Variants in CRYL1 observed in about 807,000 individuals in gnomAD.
CRYL1 encodes crystallin lambda 1, also known as lambda-crystallin homolog.
CRYL1 carries 29 observed loss-of-function variants against 36.6 expected under a neutral mutation model. That is an observed-to-expected ratio of 0.79 (90% CI 0.59 to 1.08). The LOEUF (loss-of-function observed/expected upper bound fraction) is 1.08. Ranked by LOEUF, CRYL1 falls within the 50% of genes least tolerant of loss-of-function variation. The pLI, the probability that CRYL1 is intolerant of heterozygous loss-of-function variation, is 0.00. For missense variants in CRYL1, 411 were observed against 407.9 expected (o/e 1.01, Z -0.06); for synonymous variants, 152 against 151.5 (o/e 1.00, Z -0.02).
At chr13:20,404,513 C>T (rs576388109) in intron 7 of CRYL1, 122 bp downstream of exon 7, 13 of 704,064 alleles carry the variant, frequency 1.8e-5, no homozygotes, top group Non-Finnish European at 3.3e-5. Flanking sequence ...GAGGAACCAC[C>T]AAGATCAAGG....
At chr13:20,470,692 T>C (rs1175018311) in intron 3 of CRYL1, among the ~76,000 whole-genome samples, 1 of 151,450 alleles carries the variant, frequency 6.6e-6, no homozygotes, top group Admixed American at 6.6e-5. Flanking sequence ...GTGGATCACC[T>C]GAGGTCAGGA....
rs1422060480 is a variant in CRYL1, at chr13:20,525,611, C to T, written c.41+143G>A. 4.7e-6 allele frequency: 3 copies of T among 644,940 alleles called. No homozygotes were observed. The highest frequency in any genetic ancestry group is 3.8e-5 in the African/African-American group (2 of 52,156). 40.0% of individuals were successfully genotyped at this position (644,940 alleles called of 1,614,324 possible). ...CCGAGCCCGCCAGCGCCGTAGGGGC[C>T]GCAGGGCGCAGGGCTTCGGAGGACC... On this transcript the variant is annotated intron_variant, in intron 1 of 7. Transcript: ENST00000298248. This position sits in a 1 kb window ranked among gnomAD's most constrained non-coding sequence, Gnocchi z 4.3.
intron 3 of CRYL1, among the ~76,000 whole-genome samples, chr13:20,460,659 G>A (rs1376520386): frequency 3.3e-5 from 5 of 151,266 alleles, no homozygotes; most frequent in African/African-American, 7.3e-5. Flanking sequence ...CCAAGTAGCC[G>A]GGACTACAGG....
intron 3 of CRYL1, among the ~76,000 whole-genome samples, chr13:20,486,554 C>T (rs192034112): frequency 1.6e-3 from 232 of 145,466 alleles, no homozygotes; most frequent in African/African-American, 5.5e-3. Context: ...CAGAACTATT[C>T]CTACCCACTC....
At chr13:20,405,816 A>G (rs2031355200) in intron 6 of CRYL1, 1 of 152,408 alleles carries the variant, frequency 6.6e-6, no homozygotes, top group Non-Finnish European at 1.5e-5. Context: ...CTGTGCGAGA[A>G]TGGGGTGCGC....
intron 5 of CRYL1, among the ~76,000 whole-genome samples, chr13:20,420,700 G>GT (rs5802072): frequency 0.045 from 1,640 of 36,446 alleles, 524 homozygotes; most frequent in Non-Finnish European, 0.075. Context: ...TAAAATAGAG[G>GT]TTGTGTGTGT....
At chr13:20,431,513 CCT>C in intron 5 of CRYL1, 5 of 998,378 alleles carry the variant, frequency 5.0e-6, no homozygotes, top group Non-Finnish European at 6.0e-6. Context: ...CACCACGGCC[CCT>C]CATGCAAATG....
chr13:20,414,506 A>G (rs1254343889), intron 5 of CRYL1, among the ~76,000 whole-genome samples: 1 of 152,152 alleles, frequency 6.6e-6, no homozygotes, highest in Non-Finnish European at 1.5e-5. Flanking sequence ...GGGGAGTAAG[A>G]TTAGAGCCAT....
At chr13:20,423,674 T>C (rs559734323) in intron 5 of CRYL1, among the ~76,000 whole-genome samples, 7 of 151,944 alleles carry the variant, frequency 4.6e-5, no homozygotes, top group South Asian at 2.1e-4. Flanking sequence ...TGCTAGTGTT[T>C]TGTTGAGGAA....
In CRYL1 at chr13:20,420,700, G is replaced by GTTTT. The variant is rs5802072; in HGVS notation, c.634-7314_634-7313insAAAA. Among the ~76,000 whole-genome samples the GTTTT allele has an allele frequency of 4.4e-3, 160 of 36,442 alleles. 16 individuals are homozygous for GTTTT. Among genetic ancestry groups the GTTTT allele is most frequent in the African/African-American group, 8.0e-3 (126 of 15,804 alleles). 23.9% of individuals were successfully genotyped at this position (36,442 alleles called of 152,430 possible). ...CCTTTGACTTTTCTTTAAAATAGAG[G>GTTTT]TTGTGTGTGTGTGTGTGTGTGTGTG... On this transcript the variant is annotated intron_variant, in intron 5 of 7. Coordinates refer to ENST00000298248, the MANE Select transcript of CRYL1 (RefSeq NM_015974.3).
intron 2 of CRYL1, among the ~76,000 whole-genome samples, chr13:20,494,237 T>C (rs922578656): frequency 6.6e-6 from 1 of 152,198 alleles, no homozygotes; most frequent in Non-Finnish European, 1.5e-5. Context: ...CACTTCAGCT[T>C]AATTGAAAGT....
At chr13:20,428,802 C>G (rs933088844) in intron 5 of CRYL1, among the ~76,000 whole-genome samples, 11 of 152,198 alleles carry the variant, frequency 7.2e-5, no homozygotes, top group African/African-American at 2.4e-4. Context: ...TCCTCCCTGA[C>G]CTGCTGACCC....
intron 1 of CRYL1, among the ~76,000 whole-genome samples, chr13:20,517,124 C>T (rs987283889): frequency 1.3e-5 from 2 of 152,148 alleles, no homozygotes; most frequent in African/African-American, 4.8e-5. Flanking sequence ...TTTCTCAATA[C>T]AGTCTTTATC....
At chr13:20,465,698 G>A (rs2032917646) in intron 3 of CRYL1, among the ~76,000 whole-genome samples, 1 of 152,120 alleles carries the variant, frequency 6.6e-6, no homozygotes, top group Non-Finnish European at 1.5e-5. Flanking sequence ...TCTTCCTCTT[G>A]GCAAAGACCT....
intron 3 of CRYL1, among the ~76,000 whole-genome samples, chr13:20,455,002 C>T (rs2032651379): frequency 6.6e-6 from 1 of 152,166 alleles, no homozygotes; most frequent in Non-Finnish European, 1.5e-5. Context: ...GAAAATGAAA[C>T]TGTCTCTATT....
chr13:20,511,940 A>C (rs1483710752), intron 2 of CRYL1, among the ~76,000 whole-genome samples: 2 of 152,200 alleles, frequency 1.3e-5, no homozygotes, highest in Non-Finnish European at 2.9e-5. Context: ...GTTAATAATA[A>C]CCACATAAAC....
chr13:20,444,194 A>G (rs12867746), intron 3 of CRYL1, among the ~76,000 whole-genome samples: 7,025 of 152,246 alleles, frequency 0.046, 348 homozygotes, highest in Admixed American at 0.16. Flanking sequence ...GAGCACATCT[A>G]TTTTCAACAT....
At chr13:20,506,170 G>A (rs1248140176) in intron 2 of CRYL1, among the ~76,000 whole-genome samples, 1 of 152,150 alleles carries the variant, frequency 6.6e-6, no homozygotes, top group African/African-American at 2.4e-5. Context: ...TTATTTGCCA[G>A]TTATTTGAGA....
chr13:20,477,490 A>C (rs1217992423), intron 3 of CRYL1, among the ~76,000 whole-genome samples: 2 of 150,846 alleles, frequency 1.3e-5, no homozygotes, highest in Admixed American at 6.6e-5. Flanking sequence ...GCATGGAATA[A>C]ATACTAGCAC....
Sources: gnomAD v4.1 joint callset for allele counts (sites outside exome capture counted in the v4.1 genomes callset) on GRCh38, gnomAD v4.1.1 for gene constraint, Gnocchi (gnomAD v3.1) non-coding constraint, MANE v1.5 for transcripts, NCBI Gene and HGNC (gene_info 2026-07-23, HGNC 2026-07-21) for gene names.